Variants in ROR2 observed in about 807,000 individuals in gnomAD.
ROR2 encodes the protein ROR family WNT receptor 2.
A neutral mutation model predicts 74.9 loss-of-function variants in ROR2; 33 were observed. The ratio of observed to expected loss-of-function variants is 0.44; its 90% CI spans 0.33 to 0.59. The LOEUF (loss-of-function observed/expected upper bound fraction) is 0.59. Among genes scored for constraint, ROR2 ranks in the 20% least tolerant of loss-of-function variants. The pLI, the probability that ROR2 is intolerant of heterozygous loss-of-function variation, is 0.02. For missense variants in ROR2, 1,216 were observed against 1,313.8 expected, an observed-to-expected ratio of 0.93 and a Z score of 1.15; for synonymous variants, 586 against 558.7, an observed-to-expected ratio of 1.05 and a Z score of -0.69.
At chr9:91,887,922 G>C (rs928587054) in intron 1 of ROR2, among the ~76,000 whole-genome samples, 1 of 150,258 alleles carries the variant, frequency 6.7e-6, no homozygotes, top group Non-Finnish European at 1.5e-5. Flanking sequence ...CTCCTGCGTA[G>C]CTGGGATTAC....
At position 91,771,991 on chromosome 9, in the gene ROR2, G is replaced by A. The variant is rs750095712; in HGVS notation, c.175+3750C>T. Among the ~76,000 whole-genome samples the A allele has an allele frequency of 5.3e-5, 8 of 152,148 alleles. No homozygotes were observed. In the South Asian group the frequency reaches 1.0e-3, roughly 20 times the overall value. On this transcript the variant is annotated intron_variant, in intron 2 of 8. Coordinates refer to ENST00000375708, the MANE Select transcript of ROR2 (RefSeq NM_004560.4). Reference sequence around the variant, plus strand: ...CAGCTATGATTATACATGTGATTAGGCCAAATGTGGCCAAGCGTGACATTC... The same window carrying A: ...CAGCTATGATTATACATGTGATTAGACCAAATGTGGCCAAGCGTGACATTC...
chr9:91,831,141 A>G (rs1828454561), intron 1 of ROR2, among the ~76,000 whole-genome samples: 2 of 151,926 alleles, frequency 1.3e-5, no homozygotes, highest in South Asian at 4.2e-4. Context: ...CATGCCTGTA[A>G]TCCCACCTAC....
chr9:91,779,319 C>T (rs1826531529), intron 1 of ROR2, among the ~76,000 whole-genome samples: 1 of 151,526 alleles, frequency 6.6e-6, no homozygotes, highest in African/African-American at 2.4e-5. Flanking sequence ...AACCAAGGCT[C>T]ACAAGTAGAA....
rs1836891551 is a variant in ROR2 at position 91,723,911 on chromosome 9, T to C, written c.2583A>G (p.Ser861=). Residue 861 remains serine (S), a synonymous_variant, in exon 9 of 9, where the codon TCA becomes TCG. Transcript: ENST00000375708. Reference sequence around the variant, plus strand: ...TGGTGGAGCCACTGCCACTGTGGTGTGAGCTGGGCTTGGGGACCATCTGAG... The same window carrying C: ...TGGTGGAGCCACTGCCACTGTGGTGCGAGCTGGGCTTGGGGACCATCTGAG... ...VPPQMVPKPS[S]HHSGSGSTST... 1 of 1,613,830 alleles carries C rather than the reference T, an allele frequency of 6.2e-7. No homozygotes were observed.
intron 1 of ROR2, among the ~76,000 whole-genome samples, chr9:91,848,817 T>C (rs1829010372): frequency 6.6e-6 from 1 of 150,974 alleles, no homozygotes; most frequent in African/African-American, 2.4e-5. Context: ...GTTGAAATAC[T>C]GTACTAGACT....
At chr9:91,810,586 C>T (rs1343202077) in intron 1 of ROR2, among the ~76,000 whole-genome samples, 2 of 152,190 alleles carry the variant, frequency 1.3e-5, no homozygotes, top group African/African-American at 4.8e-5. Flanking sequence ...TTACCGTTAG[C>T]GGCAGCAACA....
At chr9:91,798,667 G>GGGCA (rs1312531250) in intron 1 of ROR2, among the ~76,000 whole-genome samples, 5 of 150,514 alleles carry the variant, frequency 3.3e-5, no homozygotes, top group South Asian at 4.2e-4. Flanking sequence ...CTCTGTGGGT[G>GGGCA]GGGCTGACAC....
chr9:91,849,505 G>A (rs377753461), intron 1 of ROR2, among the ~76,000 whole-genome samples: 66 of 152,174 alleles, frequency 4.3e-4, no homozygotes, highest in Non-Finnish European at 8.4e-4. Context: ...TCCCACCCTA[G>A]GCCACATGGC....
chr9:91,851,796 G>A (rs1159229483), intron 1 of ROR2, among the ~76,000 whole-genome samples: 3 of 151,982 alleles, frequency 2.0e-5, no homozygotes, highest in South Asian at 2.1e-4. Flanking sequence ...CCAACAGAGC[G>A]AAACCCTGTC....
intron 1 of ROR2, among the ~76,000 whole-genome samples, chr9:91,818,513 C>T (rs1044704490): frequency 6.6e-6 from 1 of 151,582 alleles, no homozygotes; most frequent in African/African-American, 2.4e-5. Context: ...CACCTGGACC[C>T]CAGGGGAGCT....
chr9:91,820,854 C>T (rs999442907), intron 1 of ROR2, among the ~76,000 whole-genome samples: 9 of 152,138 alleles, frequency 5.9e-5, no homozygotes, highest in South Asian at 2.1e-4. Flanking sequence ...GTAATCCCAG[C>T]GCTTTGGGAG....
At chr9:91,736,283 C>G (rs1337246046) in intron 5 of ROR2, among the ~76,000 whole-genome samples, 1 of 152,196 alleles carries the variant, frequency 6.6e-6, no homozygotes, top group African/African-American at 2.4e-5. Flanking sequence ...GCCAGGCAGT[C>G]TCTTCTGTGA....
intron 1 of ROR2, among the ~76,000 whole-genome samples, chr9:91,840,890 G>GC (rs1828762567): frequency 6.6e-6 from 1 of 152,248 alleles, no homozygotes; most frequent in Non-Finnish European, 1.5e-5. Flanking sequence ...TTCATTGCAT[G>GC]CATTTGTTGT....
chr9:91,926,019 G>A (rs1301692560), intron 1 of ROR2, among the ~76,000 whole-genome samples: 1 of 152,076 alleles, frequency 6.6e-6, no homozygotes, highest in East Asian at 1.9e-4. Flanking sequence ...CGAGGCAGGC[G>A]GATCACCTGA....
intron 1 of ROR2, among the ~76,000 whole-genome samples, chr9:91,935,787 G>T (rs1395528637): frequency 6.6e-6 from 1 of 152,210 alleles, no homozygotes; most frequent in Admixed American, 6.5e-5. Flanking sequence ...CAAGTGACAA[G>T]GCTCAGGACT....
intron 1 of ROR2, among the ~76,000 whole-genome samples, chr9:91,932,141 G>A (rs555971255): frequency 2.0e-5 from 3 of 152,098 alleles, no homozygotes; most frequent in African/African-American, 7.2e-5. Flanking sequence ...ATTTTTCTGA[G>A]GAAAATAAAG....
At chr9:91,841,513 G>T (rs887438197) in intron 1 of ROR2, among the ~76,000 whole-genome samples, 1 of 152,194 alleles carries the variant, frequency 6.6e-6, no homozygotes, top group Non-Finnish European at 1.5e-5. Flanking sequence ...AATTTTAAAA[G>T]ATTATTTTTA....
chr9:91,859,764 G>A (rs1483648680), intron 1 of ROR2, among the ~76,000 whole-genome samples: 2 of 152,196 alleles, frequency 1.3e-5, no homozygotes, highest in South Asian at 4.1e-4. Flanking sequence ...GGCAGAGCTT[G>A]CAGTGAGCTG....
Position 91,733,540 on chromosome 9 carries a change from C to A in ROR2, c.623-104G>T. The A allele has an allele frequency of 8.0e-7, 1 of 1,248,496 alleles. No individual in the cohort carries two copies. The allele number at this position is 1,248,496 out of a possible 1,614,324, so 77.3% of individuals were successfully genotyped here. A position where few individuals can be genotyped will look rare whatever the true frequency, so the allele number is the denominator to read the frequency against. On this transcript the variant is annotated intron_variant, in intron 5 of 8. Coordinates refer to ENST00000375708, the MANE Select transcript of ROR2 (RefSeq NM_004560.4). The surrounding 1 kb of genome is among the most constrained non-coding windows in gnomAD (Gnocchi z 5.7). The stretch of plus-strand genomic sequence containing the variant: ...TGGCATCCCAGACTGCCCACTCAGC[C>A]CCCTGATGCCCCGCCCCGCCCCAGA...
Sources: allele counts gnomAD v4.1 joint callset (sites outside exome capture counted in the v4.1 genomes callset), GRCh38; gene constraint gnomAD v4.1.1; non-coding constraint Gnocchi (gnomAD v3.1); transcripts MANE v1.5; gene names NCBI Gene and HGNC (gene_info 2026-07-23, HGNC 2026-07-21).